The following WLS variants were observed in gnomAD, a reference collection of about 807,000 sequenced individuals.
The protein encoded by WLS is Wnt ligand secretion mediator, also known as protein wntless homolog.
WLS carries 23 observed loss-of-function variants against 62.8 expected under a neutral mutation model. The ratio of observed to expected loss-of-function variants is 0.37; its 90% confidence interval spans 0.26 to 0.52. WLS has a LOEUF of 0.52. Ranked by LOEUF, WLS falls within the 20% of genes least tolerant of loss-of-function variation. WLS has a pLI of 0.92. For missense variants in WLS, 615 were observed against 697.3 expected (o/e 0.88, Z 1.33); for synonymous variants, 246 against 244.1 (o/e 1.01, Z -0.07).
Position 68,232,198 on chromosome 1 carries a change from C to G in WLS, c.102G>C (p.Leu34Phe), listed in dbSNP as rs142958013. 179 of 1,614,166 alleles carry G rather than the reference C, an allele frequency of 1.1e-4. No individual in the cohort carries two copies. In the African/African-American group the frequency reaches 2.3e-3, roughly 20 times the overall value. ...FQIIAFLVGG[L>F]IAPGPTTAVS... ...TTTGCAGCTCTCCGCACTTACCAAT[C>G]AAGCCTCCCACCAGAAAGGCGATGA... is the stretch of plus-strand genomic sequence containing the variant. Residue 34 changes from leucine (L) to phenylalanine (F), a missense_variant, in exon 1 of 12, where the codon TTG becomes TTC. By Grantham distance (22) the Leu-to-Phe change is conservative. Transcript: ENST00000262348.
chr1:68,229,243 T>C (rs1650305763), intron 1 of WLS, among the ~76,000 whole-genome samples: 1 of 152,152 alleles, frequency 6.6e-6, no homozygotes, highest in African/African-American at 2.4e-5. Flanking sequence ...GTGTGTGTGG[T>C]GTATGCAGTA....
downstream of WLS, among the ~76,000 whole-genome samples, chr1:68,124,691 G>C (rs1646403569): frequency 6.6e-6 from 1 of 152,146 alleles, no homozygotes; most frequent in Non-Finnish European, 1.5e-5. Flanking sequence ...GTTAGGAAAA[G>C]GCCTAGAGAG....
intron 3 of WLS, among the ~76,000 whole-genome samples, chr1:68,156,635 G>A (rs2100490383): frequency 6.6e-6 from 1 of 152,322 alleles, no homozygotes; most frequent in South Asian, 2.1e-4. Context: ...TAAGGTGTGA[G>A]CAGCTCTTGT....
Position 68,148,156 on chromosome 1 carries a change from C to T in WLS, c.1114G>A (p.Asp372Asn), listed in dbSNP as rs770242439. The T allele has an allele frequency of 6.2e-6, 10 of 1,614,210 alleles. No individual in the cohort carries two copies. Among genetic ancestry groups the T allele is most frequent in the Non-Finnish European group, 6.8e-6 (8 of 1,180,038 alleles). The change falls in exon 8 of 12, where the codon GAC (aspartate) becomes AAC (asparagine). Residue 372 changes from aspartate (D) to asparagine (N), a missense_variant. By Grantham distance (23) the Asp-to-Asn change is conservative (BLOSUM62 1). Transcript: ENST00000262348. ...GATACGGCCAGCTCTGTTCCAATGT[C>T]TGTAGTCCAGATACTGTAGAAGGGA... ...TNPFYSIWTT[D>N]IGTELAMAFI...
intron 2 of WLS, among the ~76,000 whole-genome samples, chr1:68,160,317 T>C (rs1018726994): frequency 3.3e-5 from 5 of 152,292 alleles, no homozygotes; most frequent in Admixed American, 6.5e-5. Flanking sequence ...TTTGTTTTTT[T>C]TTAATTGACT....
intron 10 of WLS, among the ~76,000 whole-genome samples, chr1:68,143,756 A>G (rs1326032075): frequency 6.6e-6 from 1 of 152,180 alleles, no homozygotes; most frequent in Non-Finnish European, 1.5e-5. Flanking sequence ...CTCAGAATGC[A>G]TCCCTCTTTG....
chr1:68,124,305 C>A (rs896306857), downstream of WLS, among the ~76,000 whole-genome samples: 10 of 152,134 alleles, frequency 6.6e-5, no homozygotes, highest in Non-Finnish European at 1.3e-4. Context: ...TAACTCTTAC[C>A]ACAGCATTAA....
At chr1:68,173,158 A>G (rs887942180) in intron 2 of WLS, among the ~76,000 whole-genome samples, 2 of 152,220 alleles carry the variant, frequency 1.3e-5, no homozygotes, top group African/African-American at 2.4e-5. Context: ...CCAATGATGA[A>G]CCAATCTTTC....
intron 9 of WLS, among the ~76,000 whole-genome samples, chr1:68,145,334 T>C (rs561056447): frequency 3.9e-5 from 6 of 152,294 alleles, no homozygotes; most frequent in Admixed American, 6.5e-5. Flanking sequence ...GTTGCTTGCA[T>C]TGGGGATTTG....
chr1:68,134,715 G>T (rs904634134), intron 11 of WLS, among the ~76,000 whole-genome samples: 3 of 152,158 alleles, frequency 2.0e-5, no homozygotes, highest in Admixed American at 6.5e-5. Flanking sequence ...AGGATTCAGG[G>T]GATATGACCT....
chr1:68,224,283 G>T (rs945554207), intron 1 of WLS, among the ~76,000 whole-genome samples: 2 of 152,134 alleles, frequency 1.3e-5, no homozygotes, highest in Non-Finnish European at 2.9e-5. Flanking sequence ...GCTCAGTTTT[G>T]GGGGATTGGG....
At chr1:68,102,959 T>A (rs1646097533) in intron 11 of WLS, among the ~76,000 whole-genome samples, 1 of 152,164 alleles carries the variant, frequency 6.6e-6, no homozygotes. Flanking sequence ...CACCTGCATC[T>A]TTCTTCCCCT....
chr1:68,147,412 G>A (rs1457098728), intron 8 of WLS, among the ~76,000 whole-genome samples: 3 of 152,098 alleles, frequency 2.0e-5, no homozygotes, highest in Admixed American at 1.3e-4. Context: ...AAACATCATG[G>A]CAAGACAAAG....
intron 2 of WLS, among the ~76,000 whole-genome samples, chr1:68,166,003 CAA>C (rs990006987): frequency 2.0e-5 from 3 of 152,154 alleles, no homozygotes; most frequent in Admixed American, 6.5e-5. Flanking sequence ...GTCCCAGCTT[CAA>C]AAGTTATTCT....
chr1:68,230,661 A>T (rs1650371402), intron 1 of WLS, among the ~76,000 whole-genome samples: 1 of 152,006 alleles, frequency 6.6e-6, no homozygotes, highest in South Asian at 2.1e-4. Context: ...TTTGGCCCAC[A>T]CTGGGGATAA....
chr1:68,165,670 G>T (rs1647049929), intron 2 of WLS, among the ~76,000 whole-genome samples: 1 of 152,168 alleles, frequency 6.6e-6, no homozygotes, highest in Non-Finnish European at 1.5e-5. Flanking sequence ...TTATGGGATG[G>T]AGCCAGCGGT....
chr1:68,114,110 G>A (rs1331776844), intron 11 of WLS, among the ~76,000 whole-genome samples: 1 of 152,200 alleles, frequency 6.6e-6, no homozygotes, highest in Non-Finnish European at 1.5e-5. Flanking sequence ...TTCAATGACT[G>A]CAGATGGAGT....
intron 11 of WLS, among the ~76,000 whole-genome samples, chr1:68,119,551 C>T (rs1646339096): frequency 6.6e-6 from 1 of 152,192 alleles, no homozygotes. Context: ...TGGAGTGGCT[C>T]TCTCTCACAG....
chr1:68,104,875 G>A (rs1360099024), intron 11 of WLS, among the ~76,000 whole-genome samples: 4 of 152,210 alleles, frequency 2.6e-5, no homozygotes, highest in Admixed American at 6.5e-5. Context: ...AGCCATGATC[G>A]TGCCTCTGCA....
Sources: gnomAD v4.1 joint callset for allele counts (sites outside exome capture counted in the v4.1 genomes callset) on GRCh38, gnomAD v4.1.1 for gene constraint, MANE v1.5 for transcripts, NCBI Gene and HGNC (gene_info 2026-07-23, HGNC 2026-07-21) for gene names.